Variants in RAI14 observed in about 807,000 individuals in gnomAD.
RAI14 encodes retinoic acid induced 14.
RAI14 carries 45 observed loss-of-function variants against 115.4 expected under a neutral mutation model. The observed-to-expected ratio is 0.39, with a 90% CI of 0.31 to 0.50. RAI14 has a LOEUF of 0.50. Ranked by LOEUF, RAI14 falls within the 20% of genes least tolerant of loss-of-function variation. The probability of loss-of-function intolerance (pLI) is 0.85; values close to 1 mark genes in which losing one functional copy is unlikely to be tolerated. For synonymous variants in RAI14, 371 were observed against 415.4 expected, an observed-to-expected ratio of 0.89 and a Z score of 1.30; for missense variants, 939 against 1,131.2, an observed-to-expected ratio of 0.83 and a Z score of 2.44.
intron 3 of RAI14, among the ~76,000 whole-genome samples, chr5:34,785,232 G>A (rs1243931231): frequency 6.6e-6 from 1 of 152,082 alleles, no homozygotes; most frequent in African/African-American, 2.4e-5. Flanking sequence ...GGTTCTGGAG[G>A]CTTAACAATG....
At position 34,823,696 on chromosome 5, in the gene RAI14, G is replaced by T. The variant is rs1757148807; in HGVS notation, c.1854G>T (p.Gln618His). 1 of 1,614,052 alleles carries T rather than the reference G, an allele frequency of 6.2e-7. No individual in the cohort carries two copies. The highest frequency in any genetic ancestry group is 1.3e-5 in the African/African-American group (1 of 74,928). The change falls in exon 15 of 18, where the codon CAG becomes CAT. Residue 618 changes from glutamine to histidine, a missense_variant. By Grantham distance (24) the Gln-to-His change is conservative. Coordinates refer to ENST00000265109, the MANE Select transcript of RAI14 (RefSeq NM_015577.3). The surrounding 1 kb of genome is among the most constrained non-coding windows in gnomAD (Gnocchi z 4.5). ...AATTAAAAGACACACTAAAAAGTCAGATGACACAGGAAGCCAGTGATGAAG... is the reference window on the plus strand; with the variant it reads ...AATTAAAAGACACACTAAAAAGTCATATGACACAGGAAGCCAGTGATGAAG... ...IMKLKDTLKS[Q>H]MTQEASDEAE...
chr5:34,822,942 CT>C lies in RAI14; in HGVS notation c.1114-6del, dbSNP rs752695398. 35 of 1,592,494 alleles carry C rather than the reference CT, an allele frequency of 2.2e-5. No individual in the cohort carries two copies. Among genetic ancestry groups the C allele is most frequent in the East Asian group, 2.2e-5 (1 of 44,726 alleles). ...GACCTTTGATATCATTTAATTCTTGCTTTTTTTTCCTAGGCCAAATCACCCA... is the reference window on the plus strand; with the variant it reads ...GACCTTTGATATCATTTAATTCTTGCTTTTTTTCCTAGGCCAAATCACCCA... On this transcript the variant is annotated splice_polypyrimidine_tract_variant and intron_variant, in intron 14 of 17. Transcript: ENST00000265109.
rs1269805676 is a variant in RAI14 at position 34,803,767 on chromosome 5, G to A, written c.312G>A (p.Lys104=). ...AKNSHHECIR[K]LLQSKCPAES... is the part of the protein sequence containing the mutation. ...ACAGCCACCATGAATGCATCAGGAA[G>A]CTGCTTCAGGTAAGCTGGTGACAAC... The change falls in exon 5 of 18, where the codon AAG becomes AAA. Residue 104 remains lysine, a synonymous_variant. Transcript: ENST00000265109. 6.2e-7 allele frequency: 1 copy of A among 1,612,086 alleles called. No homozygotes were observed. The highest frequency in any genetic ancestry group is 1.1e-5 in the South Asian group (1 of 90,544).
chr5:34,710,164 T>G (rs1008459644), intron 2 of RAI14, among the ~76,000 whole-genome samples: 1 of 152,336 alleles, frequency 6.6e-6, no homozygotes, highest in Middle Eastern at 3.4e-3. Flanking sequence ...AACTGAAGTA[T>G]ACCTTCTTGG....
chr5:34,819,030 C>T (rs908352867), intron 13 of RAI14, among the ~76,000 whole-genome samples, 179 bp downstream of exon 13: 1 of 152,158 alleles, frequency 6.6e-6, no homozygotes, highest in African/African-American at 2.4e-5. Flanking sequence ...GCCTTCTTCA[C>T]CTGCATTTTA....
intron 3 of RAI14, among the ~76,000 whole-genome samples, chr5:34,766,435 C>T (rs546385013): frequency 1.3e-5 from 2 of 152,278 alleles, no homozygotes; most frequent in African/African-American, 4.8e-5. Context: ...GACCTGGAAT[C>T]AAAGGAGATC....
chr5:34,829,210 C>G (rs1358430406), intron 16 of RAI14, among the ~76,000 whole-genome samples: 1 of 151,702 alleles, frequency 6.6e-6, no homozygotes, highest in Non-Finnish European at 1.5e-5. Context: ...TATTTTGAGA[C>G]AGAGTTTTGC....
intron 1 of RAI14, among the ~76,000 whole-genome samples, chr5:34,680,830 A>G (rs1476176564): frequency 1.3e-5 from 2 of 151,908 alleles, no homozygotes; most frequent in Non-Finnish European, 2.9e-5. Context: ...ACCTACTTAT[A>G]AGATGATTTT....
intron 3 of RAI14, 51 bp downstream of exon 3, chr5:34,757,649 G>GT: frequency 7.7e-6 from 12 of 1,551,026 alleles, no homozygotes; most frequent in Non-Finnish European, 9.6e-6. Flanking sequence ...TTTTTGGGGT[G>GT]TTCTCTGGAA....
At chr5:34,686,052 G>A (rs1404062109) in intron 1 of RAI14, among the ~76,000 whole-genome samples, 1 of 152,022 alleles carries the variant, frequency 6.6e-6, no homozygotes, top group Non-Finnish European at 1.5e-5. Flanking sequence ...GAGGGGAGAC[G>A]GGAACAAACA....
intron 2 of RAI14, among the ~76,000 whole-genome samples, chr5:34,714,150 A>G (rs7702499): frequency 0.54 from 82,741 of 152,112 alleles, 23,486 homozygotes; most frequent in African/African-American, 0.73. Flanking sequence ...ACTGTTCTAC[A>G]TGAAGAATGA....
intron 2 of RAI14, 200 bp from the exon 3 acceptor site, chr5:34,757,268 T>C (rs529664772): frequency 1.5e-6 from 1 of 646,070 alleles, no homozygotes; most frequent in East Asian, 3.2e-5. Context: ...TTCATTGCAC[T>C]ATTTATGTTT....
At chr5:34,684,763 C>T (rs1289423495) in intron 1 of RAI14, 3 of 152,192 alleles carry the variant, frequency 2.0e-5, no homozygotes, top group African/African-American at 7.2e-5. Context: ...GCACTCCCCA[C>T]CCATCCTCTC....
At position 34,766,627 on chromosome 5, in the gene RAI14, G is replaced by T. The variant is rs1302450967; in HGVS notation, c.167+9029G>T. The stretch of plus-strand genomic sequence containing the variant: ...ATTTTACAGGCTCCTAGGTGGAAGG[G>T]ACTTGCCTTGTCTCAGATGCGACTT... On this transcript the variant is annotated intron_variant, in intron 3 of 17. Coordinates refer to ENST00000265109, the MANE Select transcript of RAI14 (RefSeq NM_015577.3). Among the ~76,000 whole-genome samples, 3 of 152,270 alleles carry T rather than the reference G, an allele frequency of 2.0e-5. No homozygotes were observed. The East Asian group carries it at 5.8e-4, about 29-fold the overall frequency.
chr5:34,815,826 G>C (rs930437266), intron 12 of RAI14, among the ~76,000 whole-genome samples: 5 of 152,192 alleles, frequency 3.3e-5, no homozygotes, highest in African/African-American at 9.6e-5. Flanking sequence ...AATGATAAGT[G>C]TGTGAGATTA....
chr5:34,693,235 A>T (rs1738848777), intron 2 of RAI14, among the ~76,000 whole-genome samples: 1 of 152,198 alleles, frequency 6.6e-6, no homozygotes, highest in South Asian at 2.1e-4. Context: ...GGAGGACACA[A>T]GTCAACCCTT....
At chr5:34,667,242 T>C (rs1034288283) in intron 1 of RAI14, 87 of 152,202 alleles carry the variant, frequency 5.7e-4, no homozygotes, top group African/African-American at 2.0e-3. Context: ...ATGTTCACGT[T>C]TCTCTTTTTT....
intron 1 of RAI14, among the ~76,000 whole-genome samples, chr5:34,669,141 C>T (rs1031916153): frequency 6.6e-6 from 1 of 152,252 alleles, no homozygotes; most frequent in Non-Finnish European, 1.5e-5. Flanking sequence ...AGGCGTGAGC[C>T]ACCACACCCA....
chr5:34,824,737 A>C (rs962452128), intron 15 of RAI14, among the ~76,000 whole-genome samples: 2 of 152,054 alleles, frequency 1.3e-5, no homozygotes, highest in African/African-American at 4.8e-5. Flanking sequence ...TGAGGTCAGG[A>C]GTTCAAGACC....
Sources: allele counts gnomAD v4.1 joint callset (sites outside exome capture counted in the v4.1 genomes callset), GRCh38; gene constraint gnomAD v4.1.1; non-coding constraint Gnocchi (gnomAD v3.1); transcripts MANE v1.5; gene names NCBI Gene and HGNC (gene_info 2026-07-23, HGNC 2026-07-21).